TRAP1: variants seen among roughly 807,000 people sequenced by gnomAD.
TRAP1 encodes TNF receptor associated protein 1.
Under a neutral mutation model 89.1 loss-of-function variants are expected in TRAP1, and 102 were observed. The ratio of observed to expected loss-of-function variants is 1.15; its 90% CI spans 0.98 to 1.35. TRAP1 has a LOEUF of 1.35. TRAP1 is among the 40% of genes most tolerant of loss of function. The probability of loss-of-function intolerance (pLI) is 0.00; values close to 1 mark genes in which losing one functional copy is unlikely to be tolerated. For synonymous variants in TRAP1, 508 were observed against 388.0 expected, an observed-to-expected ratio of 1.31 and a Z score of -3.64; for missense variants, 1,256 against 945.3, an observed-to-expected ratio of 1.33 and a Z score of -4.31.
At chr16:3,698,540 G>T (rs912385305) in intron 1 of TRAP1, among the ~76,000 whole-genome samples, 1 of 151,844 alleles carries the variant, frequency 6.6e-6, no homozygotes, top group Admixed American at 6.6e-5. Context: ...CTGACCTCGT[G>T]ATCTGCCCGC....
At chr16:3,669,499 A>G (rs976190991) in intron 11 of TRAP1, among the ~76,000 whole-genome samples, 5 of 151,954 alleles carry the variant, frequency 3.3e-5, no homozygotes, top group African/African-American at 1.2e-4. Flanking sequence ...AAGTAACCCC[A>G]CCCCTAGTAT....
At chr16:3,679,156 T>G (rs2051041083) in intron 5 of TRAP1, among the ~76,000 whole-genome samples, 1 of 152,038 alleles carries the variant, frequency 6.6e-6, no homozygotes, top group Non-Finnish European at 1.5e-5. Flanking sequence ...CCAGGCGTGG[T>G]GGCTCGTGCC....
chr16:3,712,492 T>C (rs889667959), intron 1 of TRAP1, among the ~76,000 whole-genome samples: 1 of 151,996 alleles, frequency 6.6e-6, no homozygotes, highest in South Asian at 2.1e-4. Context: ...GCAAGCTGCA[T>C]TCCCTCTCTT....
intron 11 of TRAP1, 72 bp from the exon 12 acceptor site, chr16:3,666,190 A>C (rs989703621): frequency 2.0e-5 from 31 of 1,525,960 alleles, no homozygotes; most frequent in Non-Finnish European, 2.3e-5. Flanking sequence ...GGGTACGAAA[A>C]AATGTTCAGC....
At chr16:3,670,230 A>C (rs1282345482) in intron 11 of TRAP1, among the ~76,000 whole-genome samples, 3 of 151,354 alleles carry the variant, frequency 2.0e-5, no homozygotes, top group African/African-American at 7.3e-5. Context: ...AAGATATAAA[A>C]AATCAGCCGG....
At chr16:3,662,283 C>T (rs1030485907) in intron 15 of TRAP1, 151 bp from the exon 16 acceptor site, 9 of 926,978 alleles carry the variant, frequency 9.7e-6, no homozygotes, top group East Asian at 2.7e-5. Flanking sequence ...CTCCCCATTA[C>T]CCACTAACTT....
chr16:3,659,002 ATCATTTATAGAT>A (rs1434521739), intron 16 of TRAP1, 137 bp from the exon 17 acceptor site: 11 of 814,376 alleles, frequency 1.4e-5, no homozygotes, highest in Non-Finnish European at 2.2e-5. Context: ...TATGTTAATG[ATCATTTATAGAT>A]AATATCATTA....
chr16:3,682,007 C>A (rs544502675), intron 4 of TRAP1, among the ~76,000 whole-genome samples: 1 of 152,034 alleles, frequency 6.6e-6, no homozygotes, highest in Admixed American at 6.6e-5. Flanking sequence ...ATTTAAGGAT[C>A]GACACATGGA....
At chr16:3,712,525 C>T (rs2051546265) in intron 1 of TRAP1, among the ~76,000 whole-genome samples, 1 of 152,070 alleles carries the variant, frequency 6.6e-6, no homozygotes. Context: ...TAGCAAAATA[C>T]TTGGAGATTC....
chr16:3,709,753 C>T (rs2051502445), intron 1 of TRAP1, among the ~76,000 whole-genome samples: 2 of 152,086 alleles, frequency 1.3e-5, no homozygotes, highest in Non-Finnish European at 2.9e-5. Flanking sequence ...CAGATTCAAG[C>T]GATTCTCCTG....
At chr16:3,658,733 G>A in intron 17 of TRAP1, 60 bp downstream of exon 17, 2 of 1,501,678 alleles carry the variant, frequency 1.3e-6, no homozygotes, top group South Asian at 1.2e-5. Context: ...CCACCCTGAA[G>A]GCAGGCTGGC....
At chr16:3,669,315 G>C (rs1487307464) in intron 11 of TRAP1, among the ~76,000 whole-genome samples, 1 of 152,114 alleles carries the variant, frequency 6.6e-6, no homozygotes, top group South Asian at 2.1e-4. Context: ...GCATCCTGTT[G>C]AGGTCAGCAC....
At chr16:3,677,407 G>A in intron 6 of TRAP1, 91 bp downstream of exon 6, 1 of 1,524,948 alleles carries the variant, frequency 6.6e-7, no homozygotes. Context: ...AAATGCCTGT[G>A]TACGTTTTCT....
At chr16:3,659,831 C>T (rs1207467524) in intron 16 of TRAP1, 3 of 152,104 alleles carry the variant, frequency 2.0e-5, no homozygotes, top group Non-Finnish European at 4.4e-5. Context: ...TCTTGGCTCA[C>T]CGCAGCCTCC....
chr16:3,694,320 C>T (rs2051257519), intron 1 of TRAP1, among the ~76,000 whole-genome samples: 1 of 151,862 alleles, frequency 6.6e-6, no homozygotes, highest in South Asian at 2.1e-4. Flanking sequence ...CTCACAAGTA[C>T]CAGGGATGAG....
At chr16:3,674,956 GGGGGAGGGGCAGT>G (rs2050968838) in intron 8 of TRAP1, 2 of 328,486 alleles carry the variant, frequency 6.1e-6, no homozygotes, top group Non-Finnish European at 1.1e-5. Flanking sequence ...TGCTGGGACT[GGGGGAGGGGCAGT>G]GGGGAAAGGG....
chr16:3,697,627 G>A (rs1009550116), intron 1 of TRAP1, among the ~76,000 whole-genome samples: 1 of 143,994 alleles, frequency 6.9e-6, no homozygotes, highest in Non-Finnish European at 1.5e-5. Context: ...TGGCGCCACT[G>A]CACTCCACCC....
intron 13 of TRAP1, chr16:3,663,867 T>A (rs947224345): frequency 2.6e-6 from 1 of 390,006 alleles, no homozygotes; most frequent in Non-Finnish European, 4.7e-6. Flanking sequence ...AGGTCAGGAG[T>A]TCGAGACCAA....
Position 3,672,804 on chromosome 16 carries a change from T to C in TRAP1, c.1061A>G (p.Asp354Gly), listed in dbSNP as rs746458905. 3.1e-6 allele frequency: 5 copies of C among 1,613,080 alleles called. No individual in the cohort carries two copies. Among genetic ancestry groups the C allele is most frequent in the Non-Finnish European group, 4.2e-6 (5 of 1,179,742 alleles). Residue 354 changes from aspartate (D) to glycine (G), a missense_variant, in exon 10 of 18, where the codon GAT becomes GGT. Transcript: ENST00000246957. ...GCTGGAGCCCAGCTCCCGGCTCACA[T>C]CAAACATGGACGGTTTCTGGGGGTG... is the stretch of plus-strand genomic sequence containing the variant. ...YVPDMKPSMF[D>G]VSRELGSSVA... is the part of the protein sequence containing the mutation.
Sources: allele counts gnomAD v4.1 joint callset (sites outside exome capture counted in the v4.1 genomes callset), GRCh38; gene constraint gnomAD v4.1.1; transcripts MANE v1.5; gene names NCBI Gene and HGNC (gene_info 2026-07-23, HGNC 2026-07-21).